The following DNAH17 variants were observed in gnomAD, a reference collection of about 807,000 sequenced individuals.
DNAH17 encodes the protein axonemal beta dynein heavy chain 17.
In DNAH17, 376 loss-of-function variants were observed where a neutral mutation model predicts 485.6. The ratio of observed to expected loss-of-function variants is 0.77; its 90% CI spans 0.71 to 0.84. The LOEUF is 0.84. Ranked by LOEUF, DNAH17 falls within the 40% of genes least tolerant of loss-of-function variation. The pLI is 0.00. For synonymous variants in DNAH17, 3,031 were observed against 2,405.9 expected (o/e 1.26, Z -7.60); for missense variants, 6,370 against 5,839.3 (o/e 1.09, Z -2.96).
At position 78,530,248 on chromosome 17, in the gene DNAH17, A is replaced by C. The variant is rs181075986; in HGVS notation, c.3284+95T>G. Reference sequence around the variant, plus strand: ...CCTCCACCCCCTGCTACCCCAGAGGAGGCACCTGACAAATGCCACCCACTC... The same window carrying C: ...CCTCCACCCCCTGCTACCCCAGAGGCGGCACCTGACAAATGCCACCCACTC... On this transcript the variant is annotated intron_variant, in intron 21 of 80. Coordinates refer to ENST00000389840, the MANE Select transcript of DNAH17 (RefSeq NM_173628.4). The C allele has an allele frequency of 3.2e-5, 44 of 1,396,126 alleles. No homozygotes were observed. In the East Asian group the frequency reaches 9.4e-4, roughly 30 times the overall value. The allele number at this position is 1,396,126 out of a possible 1,614,324, so 86.5% of individuals were successfully genotyped here. A position where few individuals can be genotyped will look rare whatever the true frequency, so the allele number is the denominator to read the frequency against.
At chr17:78,479,239 A>G in intron 50 of DNAH17, 123 bp from the exon 51 acceptor site, 1 of 1,079,198 alleles carries the variant, frequency 9.3e-7, no homozygotes, top group Non-Finnish European at 1.3e-6. Context: ...AAATCTGCAC[A>G]GCTCTTTGAA....
At position 78,485,540 on chromosome 17, in the gene DNAH17, C is replaced by T; in HGVS notation, c.7483+10G>A. On this transcript the variant is annotated intron_variant, in intron 47 of 80. Transcript: ENST00000389840. ...GCCGGGTAGGCAGGGCGTGGCCGGA[C>T]CAGCCTCACCCTGCAGCATGGCTGA... is the stretch of plus-strand genomic sequence containing the variant. 1 of 1,590,864 alleles carries T rather than the reference C, an allele frequency of 6.3e-7. No individual in the cohort carries two copies. Among genetic ancestry groups the T allele is most frequent in the Non-Finnish European group, 8.6e-7 (1 of 1,169,560 alleles).
At chr17:78,452,409 T>A (rs1281094585) in intron 65 of DNAH17, among the ~76,000 whole-genome samples, 9 of 152,150 alleles carry the variant, frequency 5.9e-5, no homozygotes, top group Non-Finnish European at 1.3e-4. Context: ...AATGAAGGAC[T>A]GACACATGCG....
At chr17:78,498,915 G>C (rs2090171610) in intron 37 of DNAH17, 93 bp downstream of exon 37, 3 of 981,990 alleles carry the variant, frequency 3.1e-6, no homozygotes, top group Non-Finnish European at 4.5e-6. Flanking sequence ...GTTGCAGAGA[G>C]GCAAGGAGGG....
At chr17:78,476,476 C>T in intron 52 of DNAH17, 96 bp downstream of exon 52, 1 of 1,379,072 alleles carries the variant, frequency 7.3e-7, no homozygotes, top group Non-Finnish European at 9.7e-7. Context: ...CAACAAAGGG[C>T]CCTTCTGAGA....
intron 14 of DNAH17, among the ~76,000 whole-genome samples, chr17:78,556,589 C>A (rs920086883): frequency 6.6e-6 from 1 of 152,128 alleles, no homozygotes. Context: ...AAATGGTCGC[C>A]TTTCCCAGGG....
chr17:78,457,399 A>C (rs1488600458), intron 62 of DNAH17, among the ~76,000 whole-genome samples: 1 of 152,144 alleles, frequency 6.6e-6, no homozygotes, highest in Non-Finnish European at 1.5e-5. Flanking sequence ...CAAAACAAAA[A>C]AACAAAAAAA....
intron 54 of DNAH17, among the ~76,000 whole-genome samples, chr17:78,474,193 C>A (rs62073523): frequency 0.12 from 17,643 of 152,312 alleles, 1,118 homozygotes; most frequent in East Asian, 0.19. Flanking sequence ...AGCCCAGCGA[C>A]TGTCTGAGGG....
intron 74 of DNAH17, among the ~76,000 whole-genome samples, chr17:78,434,578 C>G (rs2086797857): frequency 6.6e-6 from 1 of 151,826 alleles, no homozygotes; most frequent in Non-Finnish European, 1.5e-5. Flanking sequence ...TTCCTCATCA[C>G]TTATGCACAG....
chr17:78,444,916 G>C (rs1158803907), intron 70 of DNAH17, 119 bp from the exon 71 acceptor site: 2 of 1,040,450 alleles, frequency 1.9e-6, no homozygotes, highest in Admixed American at 3.3e-5. Context: ...CGGGGCTCTG[G>C]GATAAGGAAG....
chr17:78,470,411 C>T (rs1487263416), intron 54 of DNAH17, among the ~76,000 whole-genome samples: 2 of 150,546 alleles, frequency 1.3e-5, no homozygotes, highest in African/African-American at 4.9e-5. Flanking sequence ...AAAAACAGGC[C>T]GGGCACGGTG....
chr17:78,443,892 T>G (rs900221828), intron 71 of DNAH17, among the ~76,000 whole-genome samples: 1 of 152,104 alleles, frequency 6.6e-6, no homozygotes, highest in Non-Finnish European at 1.5e-5. Context: ...CCTGGCTGCT[T>G]TCAGGCTACT....
chr17:78,485,668 C>T lies in DNAH17; in HGVS notation c.7365G>A (p.Gly2455=), dbSNP rs1350487462. Reference sequence around the variant, plus strand: ...GCACCGACTTGCCCGTCCCCGCGTTCCCCACCAGCATCACCGGCCAGGACT... The same window carrying T: ...GCACCGACTTGCCCGTCCCCGCGTTTCCCACCAGCATCACCGGCCAGGACT... ...MEKSWPVMLV[G]NAGTGKSVLM... The change falls in exon 47 of 81, where the codon GGG becomes GGA. Residue 2455 remains glycine, a synonymous_variant. Transcript: ENST00000389840. 4 of 1,614,008 alleles carry T rather than the reference C, an allele frequency of 2.5e-6. No individual in the cohort carries two copies. Among genetic ancestry groups the T allele is most frequent in the Non-Finnish European group, 3.4e-6 (4 of 1,179,886 alleles).
In DNAH17 at chr17:78,434,239, G is replaced by C. The variant is rs371649198; in HGVS notation, c.12034-19C>G. 7 of 1,592,786 alleles carry C rather than the reference G, an allele frequency of 4.4e-6. No individual in the cohort carries two copies. Among genetic ancestry groups the C allele is most frequent in the Non-Finnish European group, 6.0e-6 (7 of 1,165,042 alleles). ...GGGTGTCCTGTGGGGCACACGCTCCGGTCAGGTATTAGGGAGAGGGAGAAG... is the reference window on the plus strand; with the variant it reads ...GGGTGTCCTGTGGGGCACACGCTCCCGTCAGGTATTAGGGAGAGGGAGAAG... On this transcript the variant is annotated intron_variant, in intron 74 of 80. Transcript: ENST00000389840.
intron 52 of DNAH17, among the ~76,000 whole-genome samples, 188 bp downstream of exon 52, chr17:78,476,384 C>T (rs939630371): frequency 8.7e-5 from 10 of 114,964 alleles, no homozygotes; most frequent in African/African-American, 1.9e-4. Flanking sequence ...AGCCACGTGC[C>T]GGAGTTATCG....
At chr17:78,478,036 A>AC (rs1466895375) in intron 51 of DNAH17, among the ~76,000 whole-genome samples, 3 of 137,368 alleles carry the variant, frequency 2.2e-5, no homozygotes, top group African/African-American at 8.5e-5. Flanking sequence ...CCACCATCAC[A>AC]CCACCATCAT....
At chr17:78,433,927 AGGAG>A (rs1054831893) in intron 75 of DNAH17, 98 bp downstream of exon 75, 13 of 791,196 alleles carry the variant, frequency 1.6e-5, no homozygotes, top group African/African-American at 6.4e-5. Context: ...GAGGGAAGGA[AGGAG>A]GGAGGGAAGG....
In DNAH17 at chr17:78,539,772, A is replaced by T. The variant is rs755059968; in HGVS notation, c.2641T>A (p.Ser881Thr). The T allele has an allele frequency of 9.3e-6, 15 of 1,611,602 alleles. 1 individual carries two copies. The South Asian group carries it at 1.7e-4, about 18-fold the overall frequency. ...LDEFDQFIRK[S>T]LSFLMDNMVI... ...ATGTTGTCCATTAGGAAACTCAGAG[A>T]TTTGCGAATGAACTGGTCAAATTCA... The change falls in exon 18 of 81, where the codon TCT becomes ACT. Residue 881 changes from serine to threonine, a missense_variant. Ser to Thr is a moderately conservative substitution (Grantham distance 58). Coordinates refer to ENST00000389840, the MANE Select transcript of DNAH17 (RefSeq NM_173628.4).
intron 3 of DNAH17, 74 bp downstream of exon 3, chr17:78,572,626 TG>T (rs1568276251): frequency 5.1e-6 from 6 of 1,165,810 alleles, no homozygotes; most frequent in African/African-American, 3.5e-5. Flanking sequence ...TGGGGTGGAG[TG>T]GGGTGGGGGG....
Sources: allele counts gnomAD v4.1 joint callset (sites outside exome capture counted in the v4.1 genomes callset), GRCh38; gene constraint gnomAD v4.1.1; transcripts MANE v1.5; gene names NCBI Gene and HGNC (gene_info 2026-07-23, HGNC 2026-07-21).